Variants in SLC25A26 observed in about 807,000 individuals in gnomAD.
SLC25A26 encodes mitochondrial S-adenosylmethionine carrier protein.
In SLC25A26, 36 loss-of-function variants were observed where a neutral mutation model predicts 37.8. That is an observed-to-expected ratio of 0.95 (90% confidence interval 0.73 to 1.26). SLC25A26 has a LOEUF of 1.26. SLC25A26 is among the 50% of genes most tolerant of loss of function. The pLI, the probability that SLC25A26 is intolerant of heterozygous loss-of-function variation, is 0.00. For missense variants in SLC25A26, 390 were observed against 331.1 expected (o/e 1.18, Z -1.38); for synonymous variants, 129 against 122.5 (o/e 1.05, Z -0.35).
intron 5 of SLC25A26, among the ~76,000 whole-genome samples, chr3:66,297,528 T>TA (rs2074943966): frequency 6.6e-6 from 1 of 152,228 alleles, no homozygotes; most frequent in Non-Finnish European, 1.5e-5. Context: ...ACTGAAGGTC[T>TA]AGTTGCAGTT....
chr3:66,328,781 T>G (rs898385417), intron 5 of SLC25A26, among the ~76,000 whole-genome samples: 127 of 152,300 alleles, frequency 8.3e-4, no homozygotes, highest in African/African-American at 3.0e-3. Context: ...GCATTTTGAC[T>G]TATGCCCTTA....
At chr3:66,208,692 GTA>G (rs1209909748) in intron 1 of SLC25A26, among the ~76,000 whole-genome samples, 3 of 125,030 alleles carry the variant, frequency 2.4e-5, no homozygotes, top group Non-Finnish European at 4.8e-5. Flanking sequence ...ATTTATATGG[GTA>G]TATATATATA....
intron 1 of SLC25A26, among the ~76,000 whole-genome samples, chr3:66,176,186 G>T (rs577803229): frequency 2.0e-5 from 3 of 152,254 alleles, no homozygotes; most frequent in African/African-American, 7.2e-5. Context: ...TTGTATGTTT[G>T]GTATGGAGTA....
intron 5 of SLC25A26, among the ~76,000 whole-genome samples, chr3:66,295,904 G>A (rs1362663115): frequency 1.3e-5 from 2 of 151,942 alleles, no homozygotes; most frequent in African/African-American, 4.8e-5. Context: ...GGATCACGAG[G>A]TCAGGAGTTC....
intron 5 of SLC25A26, among the ~76,000 whole-genome samples, chr3:66,311,105 C>T (rs1414943858): frequency 6.6e-6 from 1 of 152,148 alleles, no homozygotes; most frequent in African/African-American, 2.4e-5. Context: ...TGGTTCCATT[C>T]TCCCTGTCAC....
At chr3:66,220,868 T>A (rs934536946), upstream of SLC25A26, 18 of 584,318 alleles carry the variant, frequency 3.1e-5, no homozygotes, top group Non-Finnish European at 9.0e-6. Flanking sequence ...GGTAAGGGAT[T>A]TGCCGAGACT....
intron 1 of SLC25A26, among the ~76,000 whole-genome samples, chr3:66,166,005 C>A (rs917959388): frequency 1.4e-5 from 2 of 143,188 alleles, no homozygotes; most frequent in South Asian, 2.3e-4. Context: ...GAAATATATT[C>A]TCTGATATAT....
At chr3:66,353,738 C>T (rs2076513104) in intron 6 of SLC25A26, among the ~76,000 whole-genome samples, 1 of 152,212 alleles carries the variant, frequency 6.6e-6, no homozygotes, top group East Asian at 1.9e-4. Context: ...AAGGATTAAA[C>T]TGTGCTCACT....
intron 1 of SLC25A26, among the ~76,000 whole-genome samples, chr3:66,223,640 T>A (rs148111936): frequency 6.6e-6 from 1 of 152,300 alleles, no homozygotes; most frequent in East Asian, 1.9e-4. Context: ...ATGAAAAGCC[T>A]AGATGATTGC....
intron 1 of SLC25A26, among the ~76,000 whole-genome samples, chr3:66,205,815 G>A (rs1430916307): frequency 2.0e-5 from 3 of 152,160 alleles, no homozygotes; most frequent in African/African-American, 7.2e-5. Flanking sequence ...TTTGTTCATA[G>A]GGCATCTGTC....
intron 1 of SLC25A26, among the ~76,000 whole-genome samples, chr3:66,151,049 C>T (rs189845431): frequency 8.1e-4 from 124 of 152,176 alleles, no homozygotes; most frequent in Middle Eastern, 3.4e-3. Flanking sequence ...TGCTATTCTA[C>T]AGACAAGGAA....
chr3:66,208,679 C>T (rs1395353753), intron 1 of SLC25A26, among the ~76,000 whole-genome samples: 2 of 102,344 alleles, frequency 2.0e-5, no homozygotes, highest in African/African-American at 3.3e-5. Flanking sequence ...TATATATATA[C>T]ACATTTATAT....
At chr3:66,280,689 G>A (rs145225614) in intron 5 of SLC25A26, among the ~76,000 whole-genome samples, 64 of 151,958 alleles carry the variant, frequency 4.2e-4, no homozygotes, top group African/African-American at 1.1e-3. Context: ...TGCCTTTCCA[G>A]CTTTTTTGAA....
intron 5 of SLC25A26, among the ~76,000 whole-genome samples, chr3:66,283,512 G>A (rs2074412940): frequency 6.6e-6 from 1 of 152,056 alleles, no homozygotes; most frequent in South Asian, 2.1e-4. Flanking sequence ...AAACTCCTGG[G>A]CTCAAGCAGT....
chr3:66,227,399 G>A (rs992918095), intron 1 of SLC25A26, among the ~76,000 whole-genome samples: 1 of 151,976 alleles, frequency 6.6e-6, no homozygotes, highest in Non-Finnish European at 1.5e-5. Context: ...TTTATAAAAT[G>A]TCGTGTGCAT....
chr3:66,307,973 T>C (rs1170815112), intron 5 of SLC25A26, among the ~76,000 whole-genome samples: 2 of 152,202 alleles, frequency 1.3e-5, no homozygotes, highest in African/African-American at 2.4e-5. Flanking sequence ...AGGATTGTCT[T>C]GGCTATACGG....
intron 5 of SLC25A26, among the ~76,000 whole-genome samples, chr3:66,299,200 CTT>C (rs756708961): frequency 6.6e-6 from 1 of 151,564 alleles, no homozygotes; most frequent in South Asian, 2.1e-4. Context: ...ATACAACAAA[CTT>C]TTTTTTTGAG....
At chr3:66,241,483 C>T (rs782779178) in intron 2 of SLC25A26, among the ~76,000 whole-genome samples, 26 of 152,188 alleles carry the variant, frequency 1.7e-4, no homozygotes, top group Non-Finnish European at 2.9e-4. Context: ...AGCTGTAGTG[C>T]GTAGGTTACA....
chr3:66,269,209 G>A (rs1052413787), intron 5 of SLC25A26, among the ~76,000 whole-genome samples: 29 of 152,182 alleles, frequency 1.9e-4, no homozygotes, highest in African/African-American at 6.5e-4. Context: ...AGTATAGCCT[G>A]CTAGGAGATT....
Sources: allele counts gnomAD v4.1 joint callset (sites outside exome capture counted in the v4.1 genomes callset), GRCh38; gene constraint gnomAD v4.1.1; transcripts MANE v1.5; gene names NCBI Gene and HGNC (gene_info 2026-07-23, HGNC 2026-07-21).